SH3RF1: variants seen among roughly 807,000 people sequenced by gnomAD.
SH3RF1 encodes the protein E3 ubiquitin-protein ligase SH3RF1.
A neutral mutation model predicts 74.0 loss-of-function variants in SH3RF1; 32 were observed. The ratio of observed to expected loss-of-function variants is 0.43; its 90% CI spans 0.33 to 0.58. SH3RF1 has a LOEUF of 0.58. Ranked by LOEUF, SH3RF1 falls within the 20% of genes least tolerant of loss-of-function variation. The pLI, the probability that SH3RF1 is intolerant of heterozygous loss-of-function variation, is 0.05. For missense variants in SH3RF1, 954 were observed against 1,130.9 expected (o/e 0.84, Z 2.24); for synonymous variants, 396 against 439.6 (o/e 0.90, Z 1.24).
rs540364379 is a variant in SH3RF1 at position 169,241,186 on chromosome 4, C to T, written c.393+27634G>A. Among the ~76,000 whole-genome samples, 12 of 152,228 alleles carry T rather than the reference C, an allele frequency of 7.9e-5. No homozygotes were observed. In the South Asian group the frequency reaches 2.1e-3, roughly 26 times the overall value. On this transcript the variant is annotated intron_variant, in intron 2 of 11. Coordinates refer to ENST00000284637, the MANE Select transcript of SH3RF1 (RefSeq NM_020870.4). ...CGGAGATTGCAGTGAGCCGAGATCG[C>T]GCCACTGCACTCCAGCCTGGGCGAC... is the stretch of plus-strand genomic sequence containing the variant.
intron 2 of SH3RF1, among the ~76,000 whole-genome samples, chr4:169,267,752 G>A (rs538811836): frequency 6.6e-6 from 1 of 152,208 alleles, no homozygotes; most frequent in East Asian, 1.9e-4. Flanking sequence ...CCACATCTGC[G>A]AATTATGGGA....
At chr4:169,122,369 G>C in intron 6 of SH3RF1, 103 bp from the exon 7 acceptor site, 1 of 1,315,330 alleles carries the variant, frequency 7.6e-7, no homozygotes, top group Non-Finnish European at 1.0e-6. Context: ...TAAATCCATA[G>C]AACAAGACTT....
At chr4:169,225,596 A>G (rs963421155) in intron 2 of SH3RF1, among the ~76,000 whole-genome samples, 1 of 152,228 alleles carries the variant, frequency 6.6e-6, no homozygotes, top group Admixed American at 6.5e-5. Context: ...GGAGACTGTC[A>G]AGACTGCAGT....
At chr4:169,153,278 T>C (rs1240820931) in intron 4 of SH3RF1, among the ~76,000 whole-genome samples, 1 of 152,148 alleles carries the variant, frequency 6.6e-6, no homozygotes, top group East Asian at 1.9e-4. Context: ...TCTCATTCAA[T>C]CTTCTCCAAA....
chr4:169,117,616 C>T lies in SH3RF1; in HGVS notation c.1684G>A (p.Ala562Thr). 6.2e-7 allele frequency: 1 copy of T among 1,614,230 alleles called. No individual in the cohort carries two copies. The highest frequency in any genetic ancestry group is 8.5e-7 in the Non-Finnish European group (1 of 1,180,044). Residue 562 changes from alanine to threonine, a missense_variant, in exon 9 of 12, where the codon GCA becomes ACA. By Grantham distance (58) the Ala-to-Thr change is moderately conservative. Transcript: ENST00000284637. ...TGAGGACTTGTCTGGATGTGAGCTG[C>T]TGATACCACAGCTGCGGGGACAACA... is the stretch of plus-strand genomic sequence containing the variant. Reference protein sequence around the residue: ...PSVVPAAVVSAAHIQTSPQAK... With the variant: ...PSVVPAAVVSTAHIQTSPQAK...
chr4:169,221,822 A>T (rs764068706), intron 2 of SH3RF1, among the ~76,000 whole-genome samples: 7 of 152,218 alleles, frequency 4.6e-5, no homozygotes, highest in Non-Finnish European at 8.8e-5. Context: ...ATAGCCTTTT[A>T]TTAGCAGGCT....
chr4:169,131,013 C>G (rs1733610122), intron 5 of SH3RF1, among the ~76,000 whole-genome samples: 1 of 152,132 alleles, frequency 6.6e-6, no homozygotes, highest in South Asian at 2.1e-4. Context: ...AACAATAACC[C>G]ACCCAAAATG....
intron 2 of SH3RF1, among the ~76,000 whole-genome samples, chr4:169,201,030 A>C (rs1350583816): frequency 6.6e-6 from 1 of 152,184 alleles, no homozygotes; most frequent in Admixed American, 6.5e-5. Flanking sequence ...AGGATTCCAA[A>C]TATAAAGAAA....
chr4:169,173,732 A>G (rs1322636467), intron 2 of SH3RF1, among the ~76,000 whole-genome samples: 1 of 152,152 alleles, frequency 6.6e-6, no homozygotes, highest in African/African-American at 2.4e-5. Context: ...GGAAACCACT[A>G]TCTAACCATT....
intron 4 of SH3RF1, among the ~76,000 whole-genome samples, chr4:169,148,089 G>A (rs1733922361): frequency 6.6e-6 from 1 of 152,112 alleles, no homozygotes; most frequent in Non-Finnish European, 1.5e-5. Flanking sequence ...AACCTTTTAG[G>A]TGTGAGAAAA....
At chr4:169,262,441 T>G (rs1221349563) in intron 2 of SH3RF1, among the ~76,000 whole-genome samples, 1 of 152,000 alleles carries the variant, frequency 6.6e-6, no homozygotes, top group Non-Finnish European at 1.5e-5. Context: ...CTAAGGTGGG[T>G]GGATCACTTG....
chr4:169,127,410 G>A (rs527391772), intron 6 of SH3RF1, among the ~76,000 whole-genome samples: 6 of 152,114 alleles, frequency 3.9e-5, no homozygotes, highest in African/African-American at 1.2e-4. Flanking sequence ...CACAGTCTTC[G>A]GAACCAATTC....
chr4:169,193,931 A>G (rs983292827), intron 2 of SH3RF1, among the ~76,000 whole-genome samples: 1 of 152,132 alleles, frequency 6.6e-6, no homozygotes, highest in Non-Finnish European at 1.5e-5. Flanking sequence ...CCCTCCTTAG[A>G]TATTTGGTAA....
At chr4:169,208,007 T>C (rs1378471171) in intron 2 of SH3RF1, among the ~76,000 whole-genome samples, 3 of 152,050 alleles carry the variant, frequency 2.0e-5, no homozygotes, top group Non-Finnish European at 2.9e-5. Flanking sequence ...AAAACAAAAT[T>C]GAATGAGCAT....
At chr4:169,233,634 T>C (rs1730779427) in intron 2 of SH3RF1, among the ~76,000 whole-genome samples, 1 of 152,238 alleles carries the variant, frequency 6.6e-6, no homozygotes, top group Non-Finnish European at 1.5e-5. Flanking sequence ...TGGCTTTGGT[T>C]GTTTGGCTTC....
chr4:169,133,955 A>G (rs1579099306), intron 5 of SH3RF1, among the ~76,000 whole-genome samples: 1 of 152,190 alleles, frequency 6.6e-6, no homozygotes, highest in East Asian at 1.9e-4. Flanking sequence ...ATGGTCTTAC[A>G]TGAGCCATTT....
chr4:169,207,028 A>G (rs1248356623), intron 2 of SH3RF1, among the ~76,000 whole-genome samples: 1 of 151,948 alleles, frequency 6.6e-6, no homozygotes, highest in Non-Finnish European at 1.5e-5. Context: ...GCATGATTGT[A>G]GCTCACTGCA....
chr4:169,099,845 G>C (rs538868615), intron 11 of SH3RF1, among the ~76,000 whole-genome samples: 16 of 152,262 alleles, frequency 1.1e-4, no homozygotes, highest in African/African-American at 2.9e-4. Flanking sequence ...TAAACCTCTG[G>C]GGGGGCGGGT....
chr4:169,240,376 T>G (rs1429529894), intron 2 of SH3RF1, among the ~76,000 whole-genome samples: 1 of 151,830 alleles, frequency 6.6e-6, no homozygotes, highest in African/African-American at 2.4e-5. Flanking sequence ...TTTTTAATTT[T>G]TTGCAGAGAT....
Sources: gnomAD v4.1 joint callset for allele counts (sites outside exome capture counted in the v4.1 genomes callset) on GRCh38, gnomAD v4.1.1 for gene constraint, MANE v1.5 for transcripts, NCBI Gene and HGNC (gene_info 2026-07-23, HGNC 2026-07-21) for gene names.